The following ZBTB16 variants were observed in gnomAD, a reference collection of about 807,000 sequenced individuals.
The protein encoded by ZBTB16 is zinc finger and BTB domain-containing protein 16.
ZBTB16 carries 8 observed loss-of-function variants against 56.8 expected under a neutral mutation model. The ratio of observed to expected loss-of-function variants is 0.14; its 90% CI spans 0.08 to 0.25. The LOEUF is 0.25. ZBTB16 is among the 10% of genes least tolerant of loss of function. ZBTB16 has a pLI of 1.00. For synonymous variants in ZBTB16, 363 were observed against 368.5 expected, an observed-to-expected ratio of 0.98 and a Z score of 0.17; for missense variants, 625 against 903.0, an observed-to-expected ratio of 0.69 and a Z score of 3.95.
At chr11:114,195,186 C>G (rs886881809) in intron 4 of ZBTB16, among the ~76,000 whole-genome samples, 1 of 152,108 alleles carries the variant, frequency 6.6e-6, no homozygotes, top group Non-Finnish European at 1.5e-5. Flanking sequence ...TAGAGGGCAG[C>G]GAGATAACTT....
intron 4 of ZBTB16, among the ~76,000 whole-genome samples, chr11:114,231,624 A>G (rs1017532735): frequency 2.6e-5 from 4 of 152,152 alleles, no homozygotes; most frequent in Non-Finnish European, 5.9e-5. Context: ...AGAAAGGTTG[A>G]ACCTAGATTG....
At chr11:114,208,715 C>CT (rs1565686568) in intron 4 of ZBTB16, among the ~76,000 whole-genome samples, 1 of 152,148 alleles carries the variant, frequency 6.6e-6, no homozygotes, top group African/African-American at 2.4e-5. Context: ...TGCTTTCTCC[C>CT]TGCACGTACC....
chr11:114,134,834 A>C (rs1941757134), intron 2 of ZBTB16, among the ~76,000 whole-genome samples: 1 of 152,248 alleles, frequency 6.6e-6, no homozygotes, highest in African/African-American at 2.4e-5. Context: ...GAAAAACTTT[A>C]ATTAAGTGCC....
chr11:114,068,242 G>T (rs1035682520), intron 2 of ZBTB16, among the ~76,000 whole-genome samples: 3 of 152,096 alleles, frequency 2.0e-5, no homozygotes, highest in Admixed American at 6.6e-5. Context: ...TCTTCTTGGG[G>T]TGGGGGGGCA....
intron 3 of ZBTB16, among the ~76,000 whole-genome samples, chr11:114,167,231 G>GTTTTTTTTTTTTT (rs1565663129): frequency 7.0e-5 from 3 of 43,164 alleles, no homozygotes; most frequent in African/African-American, 1.4e-4. Context: ...TTTTTTTTTT[G>GTTTTTTTTTTTTT]GTTTTTTTTT....
At position 114,185,122 on chromosome 11, in the gene ZBTB16, C is replaced by T. The variant is rs990634038; in HGVS notation, c.1367-1830C>T. Among the ~76,000 whole-genome samples, 8 of 152,132 alleles carry T rather than the reference C, an allele frequency of 5.3e-5. No individual in the cohort carries two copies. The East Asian group carries it at 7.7e-4, about 15-fold the overall frequency. On this transcript the variant is annotated intron_variant, in intron 3 of 6. Coordinates refer to ENST00000335953, the MANE Select transcript of ZBTB16 (RefSeq NM_006006.6). The stretch of plus-strand genomic sequence containing the variant: ...ACTCAGGAGGCTGAGGTGGGAGGAT[C>T]GCTTGAAACTAGGAGGTTGAGGCTG...
intron 2 of ZBTB16, among the ~76,000 whole-genome samples, chr11:114,124,357 C>T (rs1394854393): frequency 6.6e-6 from 1 of 151,892 alleles, no homozygotes; most frequent in Non-Finnish European, 1.5e-5. Context: ...CAACAGAGTC[C>T]TCAGATTTAC....
intron 2 of ZBTB16, among the ~76,000 whole-genome samples, chr11:114,083,509 C>T (rs1939851203): frequency 6.6e-6 from 1 of 152,094 alleles, no homozygotes; most frequent in South Asian, 2.1e-4. Context: ...AGCTGCCTTT[C>T]CCCTCCAAGC....
chr11:114,092,417 G>A (rs779539751), intron 2 of ZBTB16, among the ~76,000 whole-genome samples: 9 of 152,156 alleles, frequency 5.9e-5, no homozygotes, highest in African/African-American at 1.2e-4. Context: ...ACACTGCCTC[G>A]ATCCTCTTGT....
At chr11:114,161,327 T>C (rs1265232257) in intron 3 of ZBTB16, among the ~76,000 whole-genome samples, 1 of 152,174 alleles carries the variant, frequency 6.6e-6, no homozygotes, top group Non-Finnish European at 1.5e-5. Context: ...GCTCCTATTC[T>C]GGGAGTGTCA....
At chr11:114,157,964 G>T (rs1343659667) in intron 3 of ZBTB16, among the ~76,000 whole-genome samples, 1 of 151,882 alleles carries the variant, frequency 6.6e-6, no homozygotes, top group Non-Finnish European at 1.5e-5. Flanking sequence ...CTAACTTCCA[G>T]GCATTTCTGC....
At chr11:114,226,198 G>C (rs1483154641) in intron 4 of ZBTB16, among the ~76,000 whole-genome samples, 1 of 152,200 alleles carries the variant, frequency 6.6e-6, no homozygotes, top group African/African-American at 2.4e-5. Flanking sequence ...GAGTAACTGA[G>C]TGAGGGGTAC....
At chr11:114,066,608 C>T (rs1171421194) in intron 2 of ZBTB16, among the ~76,000 whole-genome samples, 11 of 152,138 alleles carry the variant, frequency 7.2e-5, no homozygotes, top group African/African-American at 2.4e-4. Context: ...TCTCCTGAGA[C>T]TTCCAAGTTC....
chr11:114,133,128 C>T (rs894081632), intron 2 of ZBTB16, among the ~76,000 whole-genome samples: 2 of 152,030 alleles, frequency 1.3e-5, no homozygotes, highest in African/African-American at 4.8e-5. Context: ...AAAATTGCTG[C>T]CTGTCCATCT....
intron 4 of ZBTB16, among the ~76,000 whole-genome samples, chr11:114,198,026 A>G (rs945651633): frequency 1.6e-5 from 1 of 64,088 alleles, no homozygotes; most frequent in South Asian, 6.2e-4. Flanking sequence ...CTTTACATGA[A>G]AAAAAAAAAA....
chr11:114,246,923 G>A (rs1944827161), intron 5 of ZBTB16: 1 of 498,884 alleles, frequency 2.0e-6, no homozygotes. Context: ...TTGCTTTCTG[G>A]GGACTGCTGT....
At chr11:114,199,851 G>A (rs529892172) in intron 4 of ZBTB16, among the ~76,000 whole-genome samples, 100 of 152,224 alleles carry the variant, frequency 6.6e-4, no homozygotes, top group African/African-American at 2.2e-3. Context: ...ATGTGGGGCC[G>A]GGCACGGTGG....
intron 4 of ZBTB16, among the ~76,000 whole-genome samples, chr11:114,214,145 A>G (rs1944047680): frequency 6.6e-6 from 1 of 152,286 alleles, no homozygotes; most frequent in Non-Finnish European, 1.5e-5. Context: ...ACGAGGACAC[A>G]GTATTTAGTC....
At chr11:114,083,075 C>A (rs562161469) in intron 2 of ZBTB16, among the ~76,000 whole-genome samples, 1 of 152,194 alleles carries the variant, frequency 6.6e-6, no homozygotes, top group Admixed American at 6.5e-5. Flanking sequence ...AGGAGCGGGC[C>A]GGCCTTGGAA....
Sources: allele counts gnomAD v4.1 joint callset (sites outside exome capture counted in the v4.1 genomes callset), GRCh38; gene constraint gnomAD v4.1.1; transcripts MANE v1.5; gene names NCBI Gene and HGNC (gene_info 2026-07-23, HGNC 2026-07-21).